Variants in TANC2 observed in about 807,000 individuals in gnomAD.
The protein encoded by TANC2 is protein TANC2.
In TANC2, 26 loss-of-function variants were observed where a neutral mutation model predicts 210.5. The ratio of observed to expected loss-of-function variants is 0.12; its 90% CI spans 0.09 to 0.17. The LOEUF (loss-of-function observed/expected upper bound fraction) is 0.17, where lower values mean the gene tolerates loss of function less well. Ranked by LOEUF, TANC2 falls within the 10% of genes least tolerant of loss-of-function variation. The pLI is 1.00. For missense variants in TANC2, 2,129 were observed against 2,608.9 expected (o/e 0.82, Z 4.01); for synonymous variants, 931 against 967.1 (o/e 0.96, Z 0.69).
At chr17:63,035,773 G>A (rs1458642371) in intron 2 of TANC2, among the ~76,000 whole-genome samples, 1 of 152,164 alleles carries the variant, frequency 6.6e-6, no homozygotes, top group African/African-American at 2.4e-5. Flanking sequence ...ACTACACAAG[G>A]AACTGCCAAG....
At chr17:63,241,575 A>G (rs1450640101) in intron 8 of TANC2, among the ~76,000 whole-genome samples, 1 of 152,188 alleles carries the variant, frequency 6.6e-6, no homozygotes, top group Non-Finnish European at 1.5e-5. Context: ...AGTTGTTGGA[A>G]CAGAGATCAT....
At chr17:63,327,878 C>T (rs564382199) in intron 11 of TANC2, among the ~76,000 whole-genome samples, 1 of 152,220 alleles carries the variant, frequency 6.6e-6, no homozygotes, top group East Asian at 1.9e-4. Context: ...CACCCATTAA[C>T]TCATCATTTA....
chr17:63,056,007 A>G (rs1482821369), intron 2 of TANC2, among the ~76,000 whole-genome samples: 1 of 58,550 alleles, frequency 1.7e-5, no homozygotes. Flanking sequence ...ATATATATAT[A>G]TATATATATA....
chr17:63,098,882 C>G (rs1480059298), intron 3 of TANC2, among the ~76,000 whole-genome samples: 1 of 151,962 alleles, frequency 6.6e-6, no homozygotes, highest in Non-Finnish European at 1.5e-5. Flanking sequence ...AAGATCATTT[C>G]TTTATACAAC....
chr17:63,368,020 G>A (rs2047160389), intron 14 of TANC2, among the ~76,000 whole-genome samples: 1 of 152,182 alleles, frequency 6.6e-6, no homozygotes. Context: ...GAGGTTTATA[G>A]CAACAGTCTA....
intron 21 of TANC2, among the ~76,000 whole-genome samples, chr17:63,407,856 AT>A (rs2048563660): frequency 2.6e-5 from 4 of 152,260 alleles, no homozygotes; most frequent in Admixed American, 2.6e-4. Flanking sequence ...AGGAAGTAAC[AT>A]AGATGAAAGG....
intron 15 of TANC2, among the ~76,000 whole-genome samples, chr17:63,383,608 C>G (rs1316793075): frequency 6.6e-6 from 1 of 152,152 alleles, no homozygotes; most frequent in Non-Finnish European, 1.5e-5. Flanking sequence ...AGCCATTCAT[C>G]TATTAAAGGA....
intron 2 of TANC2, among the ~76,000 whole-genome samples, chr17:63,016,154 G>A (rs1017020239): frequency 1.3e-5 from 2 of 152,124 alleles, no homozygotes; most frequent in Non-Finnish European, 2.9e-5. Context: ...ACAAGAAGTA[G>A]AATTTATTCC....
rs75172561 is a variant in TANC2, at chr17:63,243,077, C to T, written c.1033+5000C>T. ...CTGAGTAAAAAACTGTCTTTGATCT[C>T]CGACCCAAAGTTTCATATCTTTTTC... On this transcript the variant is annotated intron_variant, in intron 8 of 27. Transcript: ENST00000689528. 2.8e-4 allele frequency among the ~76,000 whole-genome samples: 42 copies of T among 152,294 alleles called. 1 individual carries two copies. In the East Asian group the frequency reaches 7.7e-3, roughly 28 times the overall value.
At chr17:63,177,106 A>G (rs1567788693) in intron 5 of TANC2, among the ~76,000 whole-genome samples, 1 of 151,520 alleles carries the variant, frequency 6.6e-6, no homozygotes, top group African/African-American at 2.4e-5. Flanking sequence ...TCTACTAAAA[A>G]TACAAAAAAT....
chr17:63,388,712 C>T, exon 16 of TANC2: 1 of 1,596,644 alleles, frequency 6.3e-7, no homozygotes, highest in African/African-American at 1.3e-5. Flanking sequence ...AAGGTCTTTC[C>T]ATGGCACTGG....
chr17:63,317,817 G>T (rs1028168920), intron 10 of TANC2, among the ~76,000 whole-genome samples: 1 of 152,236 alleles, frequency 6.6e-6, no homozygotes, highest in Non-Finnish European at 1.5e-5. Flanking sequence ...AAAAAGGAGG[G>T]CATTTCCAAA....
Position 63,267,735 on chromosome 17 carries a change from T to A in TANC2, c.1034-13T>A. ...AACTTAAATATTCTAACTAAACTTTTCTTTCTTGTCAGCCACCAGCTCTGC... is the reference window on the plus strand; with the variant it reads ...AACTTAAATATTCTAACTAAACTTTACTTTCTTGTCAGCCACCAGCTCTGC... On this transcript the variant is annotated splice_polypyrimidine_tract_variant and intron_variant, in intron 8 of 27. Transcript: ENST00000689528. 6.2e-7 allele frequency: 1 copy of A among 1,610,374 alleles called. No individual in the cohort carries two copies. The highest frequency in any genetic ancestry group is 8.5e-7 in the Non-Finnish European group (1 of 1,178,122).
chr17:63,104,842 T>A (rs2144962242), intron 4 of TANC2, among the ~76,000 whole-genome samples: 1 of 148,260 alleles, frequency 6.7e-6, no homozygotes, highest in South Asian at 2.1e-4. Flanking sequence ...TGTCATTTCC[T>A]GACTCTGTAA....
intron 6 of TANC2, among the ~76,000 whole-genome samples, chr17:63,200,373 A>AAG (rs1555604401): frequency 3.0e-4 from 45 of 149,802 alleles, no homozygotes; most frequent in African/African-American, 8.9e-4. Context: ...AAAAAAAAAA[A>AAG]AAAGAAAGAA....
chr17:63,256,950 C>T (rs2043212060), intron 8 of TANC2, among the ~76,000 whole-genome samples: 2 of 151,734 alleles, frequency 1.3e-5, no homozygotes, highest in African/African-American at 4.8e-5. Flanking sequence ...TTTTTATTTC[C>T]ATTTACATGG....
At chr17:63,198,404 A>G (rs1023986257) in intron 6 of TANC2, among the ~76,000 whole-genome samples, 1 of 152,158 alleles carries the variant, frequency 6.6e-6, no homozygotes, top group Non-Finnish European at 1.5e-5. Flanking sequence ...CATGTTGGCC[A>G]GGCTGGTCTC....
chr17:63,141,559 C>G (rs142904032), intron 4 of TANC2, among the ~76,000 whole-genome samples: 3,116 of 150,836 alleles, frequency 0.021, 40 homozygotes, highest in South Asian at 0.038. Context: ...GAGCGAGACT[C>G]TGTCTCAAGA....
chr17:63,312,903 A>G (rs1431474587), intron 9 of TANC2, among the ~76,000 whole-genome samples: 1 of 152,136 alleles, frequency 6.6e-6, no homozygotes, highest in Non-Finnish European at 1.5e-5. Flanking sequence ...TTTATATTTT[A>G]AATTATTTGC....
Sources: gnomAD v4.1 joint callset for allele counts (sites outside exome capture counted in the v4.1 genomes callset) on GRCh38, gnomAD v4.1.1 for gene constraint, MANE v1.5 for transcripts, NCBI Gene and HGNC (gene_info 2026-07-23, HGNC 2026-07-21) for gene names.